The following STRN4 variants were observed in gnomAD, a reference collection of about 807,000 sequenced individuals.
STRN4 encodes the protein striatin 4.
In STRN4, 27 loss-of-function variants were observed where a neutral mutation model predicts 77.9. The ratio of observed to expected loss-of-function variants is 0.35; its 90% CI spans 0.26 to 0.48. STRN4 has a LOEUF of 0.48. Among genes scored for constraint, STRN4 ranks in the 20% least tolerant of loss-of-function variants. The pLI, the probability that STRN4 is intolerant of heterozygous loss-of-function variation, is 0.99. For missense variants in STRN4, 798 were observed against 1,049.7 expected, an observed-to-expected ratio of 0.76 and a Z score of 3.31; for synonymous variants, 466 against 443.1, an observed-to-expected ratio of 1.05 and a Z score of -0.65.
At chr19:46,728,077 C>A in intron 7 of STRN4, 70 bp from the exon 8 acceptor site, 1 of 1,404,946 alleles carries the variant, frequency 7.1e-7, no homozygotes. Flanking sequence ...GTGACGCCTT[C>A]CCCACACTGA....
chr19:46,730,609 G>C, intron 6 of STRN4, 123 bp downstream of exon 6: 1 of 1,436,936 alleles, frequency 7.0e-7, no homozygotes, highest in Non-Finnish European at 9.4e-7. Context: ...GCCAGGGCCT[G>C]TGTGTCTCCA....
At chr19:46,737,945 CA>C (rs2054402039) in intron 3 of STRN4, among the ~76,000 whole-genome samples, 1 of 152,100 alleles carries the variant, frequency 6.6e-6, no homozygotes, top group Admixed American at 6.6e-5. Context: ...CTCTGTTGCA[CA>C]GGGGGACCCA....
rs373884790 is a variant in STRN4 at position 46,730,869 on chromosome 19, C to T, written c.742G>A (p.Ala248Thr). The T allele has an allele frequency of 2.7e-5, 43 of 1,610,602 alleles. No homozygotes were observed. The highest frequency in any genetic ancestry group is 3.3e-5 in the Non-Finnish European group (39 of 1,179,974). The change falls in exon 6 of 18, where the codon GCG becomes ACG. Residue 248 changes from alanine to threonine, a missense_variant. Physicochemically the swap from Ala to Thr is moderately conservative, Grantham distance 58. This residue lies in a region of STRN4 where 511 missense variants were observed against 575.9 expected (regional missense o/e 0.89). Coordinates refer to ENST00000263280, the MANE Select transcript of STRN4 (RefSeq NM_013403.3). ...CGCTCTTTGCCATCTTTGCCTGCCG[C>T]GTTCCTGCCAAAGACAGCAGAGCAG... ...KQIEEQIKRNAAGKDGKERLG... is the reference protein window; with the variant it reads ...KQIEEQIKRNTAGKDGKERLG...
rs1455295059 is a variant in STRN4, at chr19:46,738,915, G to A, written c.283-27C>T. 3.1e-6 allele frequency: 5 copies of A among 1,595,416 alleles called. No individual in the cohort carries two copies. The highest frequency in any genetic ancestry group is 2.6e-6 in the Non-Finnish European group (3 of 1,164,820). ...TGGGAGGGCAGACAGGAGGCAAAGG[G>A]AGATAATGGGGCTCAGGCTCAATGC... On this transcript the variant is annotated intron_variant, in intron 1 of 17. Transcript: ENST00000263280. This position sits in a 1 kb window ranked among gnomAD's most constrained non-coding sequence, Gnocchi z 4.5.
rs36072940 is a variant in STRN4, at chr19:46,722,488, G to C, written c.1907-148C>G. ...GGCGAGGGCACTCCGGTCCCCGACC[G>C]CAGCGCTGGTTCTGCACAAGCAGCC... On this transcript the variant is annotated intron_variant, in intron 14 of 17. Transcript: ENST00000263280. The C allele has an allele frequency of 6.9e-6, 6 of 873,254 alleles. No homozygotes were observed. In the South Asian group the frequency reaches 9.4e-5, roughly 14 times the overall value. The allele number at this position is 873,254 out of a possible 1,614,324, so 54.1% of individuals were successfully genotyped here.
Position 46,723,375 on chromosome 19 carries a change from C to T in STRN4, c.1595-91G>A. ...AGCCCCAGCTCTGCCAAGCCCCAGG[C>T]AGCTGGGCTCCAATCACCCACGCAC... On this transcript the variant is annotated intron_variant, in intron 12 of 17. Coordinates refer to ENST00000263280, the MANE Select transcript of STRN4 (RefSeq NM_013403.3). This position sits in a 1 kb window ranked among gnomAD's most constrained non-coding sequence, Gnocchi z 5.5. 1 of 1,432,802 alleles carries T rather than the reference C, an allele frequency of 7.0e-7. No individual in the cohort carries two copies. Among genetic ancestry groups the T allele is most frequent in the South Asian group, 1.4e-5 (1 of 72,630 alleles). The allele number at this position is 1,432,802 out of a possible 1,614,324, so 88.8% of individuals were successfully genotyped here. A position where few individuals can be genotyped will look rare whatever the true frequency, so the allele number is the denominator to read the frequency against.
At chr19:46,746,014 CGTCGCGGTCCCCTCCCGCCCCCCCG>C in intron 1 of STRN4, 110 bp downstream of exon 1, 1 of 1,144,668 alleles carries the variant, frequency 8.7e-7, no homozygotes, top group Non-Finnish European at 1.1e-6. Flanking sequence ...CCTCCGGGAC[CGTCGCGGTCCCCTCCCGCCCCCCCG>C]CCGGCCGTCC....
chr19:46,737,832 A>G lies in STRN4; in HGVS notation c.460+332T>C, dbSNP rs537094615. The stretch of plus-strand genomic sequence containing the variant: ...AACCCTGTTCAAACGCCACCTCCTC[A>G]GTGACGTCTTCCCCGGCTTTCCCGC... On this transcript the variant is annotated intron_variant, in intron 3 of 17. Coordinates refer to ENST00000263280, the MANE Select transcript of STRN4 (RefSeq NM_013403.3). Among the ~76,000 whole-genome samples, 112 of 152,230 alleles carry G rather than the reference A, an allele frequency of 7.4e-4. 1 individual carries two copies. Among genetic ancestry groups the G allele is most frequent in the African/African-American group, 2.2e-3 (91 of 41,526 alleles).
At chr19:46,736,711 C>CTG in intron 4 of STRN4, 112 bp downstream of exon 4, 2 of 1,153,416 alleles carry the variant, frequency 1.7e-6, no homozygotes, top group Admixed American at 4.2e-5. Flanking sequence ...GGCTAAGATC[C>CTG]TGATAGTTCA....
Position 46,728,721 on chromosome 19 carries a change from A to G in STRN4, c.936T>C (p.Ser312=). 1 of 1,614,196 alleles carries G rather than the reference A, an allele frequency of 6.2e-7. No homozygotes were observed. The highest frequency in any genetic ancestry group is 8.5e-7 in the Non-Finnish European group (1 of 1,180,000). ...AATCAAACTCATTGATAGCATCCTC[A>G]GAGTCGTCTTCCTCATCCTCGTCTT... ...EMEDEDEEDD[S]EDAINEFDFL... The change falls in exon 7 of 18, where the codon TCT becomes TCC. Residue 312 remains serine (S), a synonymous_variant. Coordinates refer to ENST00000263280, the MANE Select transcript of STRN4 (RefSeq NM_013403.3).
chr19:46,741,929 G>C lies in STRN4; in HGVS notation c.283-3041C>G, dbSNP rs2054482079. Among the ~76,000 whole-genome samples the C allele has an allele frequency of 6.6e-6, 1 of 152,198 alleles. No individual in the cohort carries two copies. Among genetic ancestry groups the C allele is most frequent in the Admixed American group, 6.5e-5 (1 of 15,272 alleles). On this transcript the variant is annotated intron_variant, in intron 1 of 17. Coordinates refer to ENST00000263280, the MANE Select transcript of STRN4 (RefSeq NM_013403.3). The surrounding 1 kb of genome is among the most constrained non-coding windows in gnomAD (Gnocchi z 4.9). ...CCCCCAGGAAGCTGAAGTGGGCAGGGGCAGCTCCGCACATTCTCTGCTGGC... is the reference window on the plus strand; with the variant it reads ...CCCCCAGGAAGCTGAAGTGGGCAGGCGCAGCTCCGCACATTCTCTGCTGGC...
At chr19:46,736,971 T>G (rs1429330676) in intron 3 of STRN4, 70 bp from the exon 4 acceptor site, 22 of 1,502,318 alleles carry the variant, frequency 1.5e-5, no homozygotes, top group Non-Finnish European at 1.9e-5. Flanking sequence ...TCCTCCATCT[T>G]CCTCACCCCT....
intron 6 of STRN4, among the ~76,000 whole-genome samples, chr19:46,729,972 C>G (rs577962600): frequency 7.9e-5 from 12 of 152,242 alleles, no homozygotes; most frequent in Admixed American, 7.2e-4. Flanking sequence ...AGGGCTGCTG[C>G]GTAGAGACAG....
chr19:46,728,819 T>C, intron 6 of STRN4, 42 bp from the exon 7 acceptor site: 1 of 1,608,834 alleles, frequency 6.2e-7, no homozygotes, highest in Non-Finnish European at 8.5e-7. Context: ...GGGCCTCTTG[T>C]CCAGAGACTA....
At chr19:46,725,832 CCAA>C in intron 9 of STRN4, 184 bp from the exon 10 acceptor site, 2 of 728,004 alleles carry the variant, frequency 2.7e-6, no homozygotes, top group Non-Finnish European at 4.4e-6. Context: ...CCATGCTCGC[CCAA>C]CAAGTCCCCA....
chr19:46,724,712 A>G (rs2054065699), intron 12 of STRN4, 95 bp downstream of exon 12: 3 of 1,566,180 alleles, frequency 1.9e-6, no homozygotes, highest in Non-Finnish European at 1.7e-6. Context: ...TGAGGCCTGC[A>G]GTGTTGGCAA....
rs1348782179 is a variant in STRN4, at chr19:46,723,400, C to T, written c.1595-116G>A. ...CAGCTGGGCTCCAATCACCCACGCA[C>T]CCACTTCACACCTGGTGCCCCTCGG... is the stretch of plus-strand genomic sequence containing the variant. On this transcript the variant is annotated intron_variant, in intron 12 of 17. Transcript: ENST00000263280. The surrounding 1 kb of genome is among the most constrained non-coding windows in gnomAD (Gnocchi z 5.5). 4 of 1,304,772 alleles carry T rather than the reference C, an allele frequency of 3.1e-6. No homozygotes were observed. Among genetic ancestry groups the T allele is most frequent in the East Asian group, 2.5e-5 (1 of 39,296 alleles). The allele number at this position is 1,304,772 out of a possible 1,614,324, so 80.8% of individuals were successfully genotyped here.
At chr19:46,724,744 T>C (rs1173537243) in intron 12 of STRN4, 63 bp downstream of exon 12, 13 of 1,610,188 alleles carry the variant, frequency 8.1e-6, no homozygotes, top group Admixed American at 5.0e-5. Flanking sequence ...GACGTGTGTG[T>C]GCGTGGAGGG....
chr19:46,726,483 C>A (rs76921326), intron 9 of STRN4, among the ~76,000 whole-genome samples: 130 of 134,196 alleles, frequency 9.7e-4, no homozygotes, highest in Middle Eastern at 3.9e-3. Flanking sequence ...CCTCAAGGAG[C>A]AAAAAAAAAA....
Sources: allele counts gnomAD v4.1 joint callset (sites outside exome capture counted in the v4.1 genomes callset), GRCh38; gene constraint gnomAD v4.1.1; regional missense constraint gnomAD v4.1.1; non-coding constraint Gnocchi (gnomAD v3.1); transcripts MANE v1.5; gene names NCBI Gene and HGNC (gene_info 2026-07-23, HGNC 2026-07-21).